SOS1: variants seen among roughly 807,000 people sequenced by gnomAD.
SOS1 encodes son of sevenless homolog 1.
In SOS1, 25 loss-of-function variants were observed where a neutral mutation model predicts 157.6. The observed-to-expected ratio is 0.16, with a 90% CI of 0.12 to 0.22. The LOEUF (loss-of-function observed/expected upper bound fraction) is 0.22. Among genes scored for constraint, SOS1 ranks in the 10% least tolerant of loss-of-function variants. The pLI, the probability that SOS1 is intolerant of heterozygous loss-of-function variation, is 1.00. For missense variants in SOS1, 1,237 were observed against 1,599.1 expected (o/e 0.77, Z 3.86); for synonymous variants, 528 against 534.0 (o/e 0.99, Z 0.16).
In SOS1 at chr2:39,089,544, A is replaced by AG. The variant is rs563891459; in HGVS notation, c.88-21792_88-21791insC. On this transcript the variant is annotated intron_variant, in intron 1 of 22. Transcript: ENST00000402219. ...GACTCTGTCTCCAAAAAAAAAAAAA[A>AG]AAAGAAAGAAAGAAAAGAAGCCAAC... Among the ~76,000 whole-genome samples, 124 of 151,280 alleles carry AG rather than the reference A, an allele frequency of 8.2e-4. 1 individual carries two copies. The highest frequency in any genetic ancestry group is 1.3e-3 in the South Asian group (6 of 4,792).
intron 1 of SOS1, among the ~76,000 whole-genome samples, chr2:39,079,062 CAAAAAAAAAAA>C (rs10608351): frequency 5.0e-5 from 2 of 39,996 alleles, no homozygotes; most frequent in Non-Finnish European, 8.2e-5. Context: ...CTCTGTCTCC[CAAAAAAAAAAA>C]AAAAAAAAAA....
intron 6 of SOS1, among the ~76,000 whole-genome samples, chr2:39,037,487 C>T (rs1363707913): frequency 6.6e-6 from 1 of 152,032 alleles, no homozygotes; most frequent in Non-Finnish European, 1.5e-5. Flanking sequence ...TTCTCTAATC[C>T]ATTCTCCACT....
At chr2:39,066,474 T>C (rs1003211310) in intron 2 of SOS1, among the ~76,000 whole-genome samples, 2 of 152,224 alleles carry the variant, frequency 1.3e-5, no homozygotes, top group African/African-American at 4.8e-5. Context: ...AATTGGTACT[T>C]CAAAAACCTT....
chr2:39,039,461 A>C (rs2124571449), intron 6 of SOS1, among the ~76,000 whole-genome samples: 1 of 152,280 alleles, frequency 6.6e-6, no homozygotes, highest in Admixed American at 6.5e-5. Context: ...CAGACTTAAA[A>C]TTTGTTAGCC....
chr2:38,999,932 G>A (rs550130031), intron 17 of SOS1, among the ~76,000 whole-genome samples: 27 of 152,206 alleles, frequency 1.8e-4, no homozygotes, highest in Non-Finnish European at 3.4e-4. Context: ...ATGAAGCCAG[G>A]TGGGTTGGAA....
At position 39,012,109 on chromosome 2, in the gene SOS1, A is replaced by T; in HGVS notation, c.2390+17T>A. The T allele has an allele frequency of 6.5e-7, 1 of 1,536,856 alleles. No individual in the cohort carries two copies. The highest frequency in any genetic ancestry group is 9.0e-7 in the Non-Finnish European group (1 of 1,109,666). ...TCTTTTGAAATGACTTTTCAACTTG[A>T]ATGTTAAATTACATACCGGTATAGA... On this transcript the variant is annotated intron_variant, in intron 14 of 22. Transcript: ENST00000402219.
rs141130569 is a variant in SOS1, at chr2:39,112,351, G to C, written c.87+7985C>G. Among the ~76,000 whole-genome samples the C allele has an allele frequency of 3.0e-3, 459 of 152,116 alleles. 4 individuals are homozygous for C. Among genetic ancestry groups the C allele is most frequent in the African/African-American group, 0.011 (438 of 41,510 alleles). ...ATTCCTCTCTCTCCCTCTCTCTCTT[G>C]CTCTTTCTTTCCCATGGCTCACTGC... On this transcript the variant is annotated intron_variant, in intron 1 of 22. Coordinates refer to ENST00000402219, the MANE Select transcript of SOS1 (RefSeq NM_005633.4).
intron 1 of SOS1, among the ~76,000 whole-genome samples, chr2:39,109,307 A>T (rs1673326975): frequency 6.6e-6 from 1 of 152,218 alleles, no homozygotes. Flanking sequence ...CCACCTAAAG[A>T]CCATTAATCT....
intron 8 of SOS1, among the ~76,000 whole-genome samples, chr2:39,030,498 A>AG (rs1670121836): frequency 6.6e-6 from 1 of 151,560 alleles, no homozygotes; most frequent in African/African-American, 2.4e-5. Flanking sequence ...TGAGCCCATG[A>AG]GTTCCAGACT....
intron 2 of SOS1, among the ~76,000 whole-genome samples, chr2:39,062,949 A>G (rs1434798352): frequency 6.6e-6 from 1 of 152,192 alleles, no homozygotes; most frequent in East Asian, 1.9e-4. Context: ...ACAGAGCCAA[A>G]TAATATATAC....
chr2:39,036,756 T>C (rs1001242104), intron 6 of SOS1, among the ~76,000 whole-genome samples: 31 of 151,966 alleles, frequency 2.0e-4, no homozygotes, highest in Admixed American at 2.0e-3. Context: ...TTTGTATTTT[T>C]AGTAGAGACA....
chr2:39,096,660 C>T (rs1459627659), intron 1 of SOS1, among the ~76,000 whole-genome samples: 9 of 152,092 alleles, frequency 5.9e-5, no homozygotes, highest in South Asian at 4.1e-4. Context: ...CCAAGGCAGG[C>T]GGATCACGAG....
chr2:39,104,432 G>C (rs751121011), intron 1 of SOS1, among the ~76,000 whole-genome samples: 3 of 152,196 alleles, frequency 2.0e-5, no homozygotes, highest in Non-Finnish European at 2.9e-5. Flanking sequence ...CACCAACTAA[G>C]ATGGGATAAG....
chr2:39,058,028 A>G (rs1671271247), intron 3 of SOS1, among the ~76,000 whole-genome samples: 1 of 152,144 alleles, frequency 6.6e-6, no homozygotes, highest in African/African-American at 2.4e-5. Context: ...TACAAGTATT[A>G]GCATTTTGTC....
chr2:39,028,145 C>T (rs1021043854), intron 8 of SOS1, among the ~76,000 whole-genome samples: 2 of 152,112 alleles, frequency 1.3e-5, no homozygotes, highest in African/African-American at 4.8e-5. Context: ...AACTCATATG[C>T]TCTATTGAGA....
intron 14 of SOS1, among the ~76,000 whole-genome samples, chr2:39,010,967 C>G (rs954845308): frequency 7.1e-6 from 1 of 141,228 alleles, no homozygotes; most frequent in Non-Finnish European, 1.5e-5. Flanking sequence ...ATGATCTTGG[C>G]TCACTGCAAC....
chr2:39,113,215 C>A (rs1330080545), intron 1 of SOS1, among the ~76,000 whole-genome samples: 1 of 152,044 alleles, frequency 6.6e-6, no homozygotes, highest in Admixed American at 6.6e-5. Context: ...TTTAGAGACA[C>A]AGTCTCACTC....
intron 22 of SOS1, among the ~76,000 whole-genome samples, chr2:38,986,669 G>A (rs1290335224): frequency 6.6e-6 from 1 of 151,796 alleles, no homozygotes; most frequent in African/African-American, 2.4e-5. Context: ...GTCTTGCTCT[G>A]TTGCCAAGGC....
intron 1 of SOS1, among the ~76,000 whole-genome samples, chr2:39,094,652 C>CAAAT (rs55772987): frequency 0.029 from 4,353 of 150,912 alleles, 203 homozygotes; most frequent in African/African-American, 0.089. Flanking sequence ...GACTCGGTCT[C>CAAAT]AAATAAATAA....
Sources: gnomAD v4.1 joint callset for allele counts (sites outside exome capture counted in the v4.1 genomes callset) on GRCh38, gnomAD v4.1.1 for gene constraint, MANE v1.5 for transcripts, NCBI Gene and HGNC (gene_info 2026-07-23, HGNC 2026-07-21) for gene names.